Variants in CDH18 observed in about 807,000 individuals in gnomAD.
CDH18 encodes cadherin-18.
In CDH18, 31 loss-of-function variants were observed where a neutral mutation model predicts 67.9. That is an observed-to-expected ratio of 0.46 (90% CI 0.34 to 0.62). CDH18 has a LOEUF of 0.62. Among genes scored for constraint, CDH18 ranks in the 20% least tolerant of loss-of-function variants. The pLI is 0.01. For synonymous variants in CDH18, 362 were observed against 347.2 expected (o/e 1.04, Z -0.48); for missense variants, 890 against 975.5 (o/e 0.91, Z 1.17).
At chr5:19,542,394 T>A (rs935351842) in intron 9 of CDH18, among the ~76,000 whole-genome samples, 1 of 152,178 alleles carries the variant, frequency 6.6e-6, no homozygotes, top group Non-Finnish European at 1.5e-5. Context: ...ACATAAGAGT[T>A]ACCAGCAATT....
chr5:19,908,888 A>G (rs1379625352), intron 2 of CDH18, among the ~76,000 whole-genome samples: 1 of 152,192 alleles, frequency 6.6e-6, no homozygotes, highest in African/African-American at 2.4e-5. Flanking sequence ...ATGTCTGTTT[A>G]TTAGGACATT....
Position 20,555,500 on chromosome 5 carries a change from A to G in CDH18, c.-580+19962T>C, listed in dbSNP as rs371676757. Among the ~76,000 whole-genome samples, 48 of 140,288 alleles carry G rather than the reference A, an allele frequency of 3.4e-4. No homozygotes were observed. In the East Asian group the frequency reaches 6.0e-3, roughly 18 times the overall value. 92.0% of individuals were successfully genotyped at this position (140,288 alleles called of 152,430 possible). A position where few individuals can be genotyped will look rare whatever the true frequency, so the allele number is the denominator to read the frequency against. On this transcript the variant is annotated intron_variant, in intron 1 of 14. Coordinates refer to the CDH18 transcript ENST00000507958. ...TCACTTTGTCACCAGGCTAGAGTGC[A>G]GTGGCGCAATCTCCGTTCACTGCAA...
chr5:20,383,837 AAT>A (rs1262225394), intron 1 of CDH18, among the ~76,000 whole-genome samples: 5 of 152,180 alleles, frequency 3.3e-5, no homozygotes, highest in Non-Finnish European at 5.9e-5. Flanking sequence ...AGAAAAGGGA[AAT>A]GACTTTGCAT....
At chr5:19,653,971 T>A (rs1755952180) in intron 5 of CDH18, among the ~76,000 whole-genome samples, 1 of 152,172 alleles carries the variant, frequency 6.6e-6, no homozygotes, top group Non-Finnish European at 1.5e-5. Flanking sequence ...TAGAAGAGGC[T>A]GGAGTGTGAC....
intron 2 of CDH18, among the ~76,000 whole-genome samples, chr5:20,056,845 G>A (rs537988770): frequency 1.4e-3 from 212 of 151,434 alleles, no homozygotes; most frequent in African/African-American, 4.8e-3. Context: ...CACCACGCCC[G>A]GCTAATTTCT....
At chr5:19,490,476 G>A (rs1741275549) in intron 11 of CDH18, among the ~76,000 whole-genome samples, 1 of 134,536 alleles carries the variant, frequency 7.4e-6, no homozygotes, top group African/African-American at 2.8e-5. Flanking sequence ...GTGCAGTGGT[G>A]CGATCTTGGC....
At chr5:19,588,684 C>T (rs1457351886) in intron 7 of CDH18, among the ~76,000 whole-genome samples, 1 of 151,886 alleles carries the variant, frequency 6.6e-6, no homozygotes. Context: ...CACTTATGGG[C>T]TCATAAAGGG....
At chr5:19,676,891 A>T (rs568848494) in intron 5 of CDH18, among the ~76,000 whole-genome samples, 1 of 152,186 alleles carries the variant, frequency 6.6e-6, no homozygotes, top group Admixed American at 6.6e-5. Context: ...GTCTCTTCCA[A>T]GCATACTTTC....
At chr5:19,945,743 G>C (rs1795222916) in intron 2 of CDH18, among the ~76,000 whole-genome samples, 1 of 152,080 alleles carries the variant, frequency 6.6e-6, no homozygotes, top group African/African-American at 2.4e-5. Context: ...CATGCTGGAT[G>C]TCCTTAGAAG....
chr5:19,478,926 T>C (rs1184548785), intron 12 of CDH18, among the ~76,000 whole-genome samples: 1 of 152,198 alleles, frequency 6.6e-6, no homozygotes, highest in Admixed American at 6.5e-5. Flanking sequence ...CTGAAAAAGG[T>C]AACCTCAACA....
At chr5:19,776,211 C>T (rs554012695) in intron 3 of CDH18, among the ~76,000 whole-genome samples, 1 of 152,192 alleles carries the variant, frequency 6.6e-6, no homozygotes, top group Non-Finnish European at 1.5e-5. Context: ...TTAGAGTAAA[C>T]TTAAACATTA....
At chr5:20,176,871 A>G (rs915938939) in intron 2 of CDH18, among the ~76,000 whole-genome samples, 3 of 152,104 alleles carry the variant, frequency 2.0e-5, no homozygotes, top group African/African-American at 7.2e-5. Context: ...TTAACTTTTC[A>G]GCCTAGGAGG....
chr5:19,635,627 C>T (rs62351285), intron 5 of CDH18, among the ~76,000 whole-genome samples: 8,796 of 152,026 alleles, frequency 0.058, 290 homozygotes, highest in Non-Finnish European at 0.074. Context: ...TTGACCAAAA[C>T]AAACAAACAA....
At chr5:20,287,133 G>A (rs1639018321) in intron 1 of CDH18, among the ~76,000 whole-genome samples, 1 of 151,662 alleles carries the variant, frequency 6.6e-6, no homozygotes, top group Non-Finnish European at 1.5e-5. Context: ...TAAGTGGATT[G>A]ATATCTGTAT....
At chr5:19,602,431 A>C (rs1747288503) in intron 6 of CDH18, among the ~76,000 whole-genome samples, 1 of 152,116 alleles carries the variant, frequency 6.6e-6, no homozygotes, top group Non-Finnish European at 1.5e-5. Context: ...ACATAAATAA[A>C]TGCAAACTAT....
chr5:20,334,612 A>G (rs1271837382), intron 1 of CDH18, among the ~76,000 whole-genome samples: 1 of 152,146 alleles, frequency 6.6e-6, no homozygotes, highest in Non-Finnish European at 1.5e-5. Context: ...AGAACTTCAC[A>G]ACTGTTTATG....
intron 1 of CDH18, among the ~76,000 whole-genome samples, chr5:20,364,852 TTAG>T (rs1469299459): frequency 2.0e-5 from 3 of 152,162 alleles, no homozygotes; most frequent in Non-Finnish European, 4.4e-5. Flanking sequence ...GGAAAGACTG[TTAG>T]TAGAATCCAA....
intron 12 of CDH18, among the ~76,000 whole-genome samples, chr5:19,474,554 G>C (rs1438186761): frequency 6.6e-6 from 1 of 151,942 alleles, no homozygotes; most frequent in African/African-American, 2.4e-5. Context: ...GGAACACTAG[G>C]CATAAATGAG....
chr5:19,640,420 T>C (rs1056789537), intron 5 of CDH18, among the ~76,000 whole-genome samples: 31 of 152,152 alleles, frequency 2.0e-4, no homozygotes, highest in African/African-American at 7.2e-4. Flanking sequence ...TATGTAAGAC[T>C]CAAGCTAATC....
Sources: allele counts gnomAD v4.1 joint callset (sites outside exome capture counted in the v4.1 genomes callset), GRCh38; gene constraint gnomAD v4.1.1; transcripts MANE v1.5; gene names NCBI Gene and HGNC (gene_info 2026-07-23, HGNC 2026-07-21).